The following SLC25A37 variants were observed in gnomAD, a reference collection of about 807,000 sequenced individuals.
SLC25A37 encodes the protein solute carrier family 25 member 37.
In SLC25A37, 17 loss-of-function variants were observed where a neutral mutation model predicts 31.0. The observed-to-expected ratio is 0.55, with a 90% CI of 0.38 to 0.82. The LOEUF is 0.82. Among genes scored for constraint, SLC25A37 ranks in the 40% least tolerant of loss-of-function variants. SLC25A37 has a pLI of 0.00. For synonymous variants in SLC25A37, 222 were observed against 193.0 expected, an observed-to-expected ratio of 1.15 and a Z score of -1.24; for missense variants, 404 against 465.8, an observed-to-expected ratio of 0.87 and a Z score of 1.22.
chr8:23,546,527 AG>A (rs1214505016), intron 1 of SLC25A37, among the ~76,000 whole-genome samples: 1 of 38,908 alleles, frequency 2.6e-5, no homozygotes, highest in Non-Finnish European at 3.8e-5. Context: ...ATATATATAT[AG>A]GTGTATATAT....
intron 1 of SLC25A37, among the ~76,000 whole-genome samples, chr8:23,540,572 G>C (rs1032027802): frequency 2.0e-5 from 3 of 152,158 alleles, no homozygotes; most frequent in African/African-American, 7.2e-5. Context: ...GATATTTTTG[G>C]CTGCGTCTGG....
chr8:23,529,374 G>GGGCGCCGCGCCTTCCGCC lies in SLC25A37; in HGVS notation c.210+164_210+181dup, dbSNP rs1801616954. Among the ~76,000 whole-genome samples the GGGCGCCGCGCCTTCCGCC allele has an allele frequency of 6.6e-6, 1 of 151,458 alleles. No individual in the cohort carries two copies. Among genetic ancestry groups the GGGCGCCGCGCCTTCCGCC allele is most frequent in the African/African-American group, 2.4e-5 (1 of 41,352 alleles). ...CCCCAGGAGCAGCTGCGCGCAGCCT[G>GGGCGCCGCGCCTTCCGCC]GGCGCCGCGCCTTCCGCCGACCCCG... is the stretch of plus-strand genomic sequence containing the variant. On this transcript the variant is annotated intron_variant, in intron 1 of 3. Transcript: ENST00000519973. This position sits in a 1 kb window ranked among gnomAD's most constrained non-coding sequence, Gnocchi z 4.1.
intron 1 of SLC25A37, among the ~76,000 whole-genome samples, chr8:23,550,199 A>C (rs1802186020): frequency 2.3e-5 from 3 of 131,256 alleles, no homozygotes; most frequent in South Asian, 2.4e-4. Flanking sequence ...AAAAAAAAAA[A>C]AACACAAAAA....
At chr8:23,536,131 C>T (rs935995192) in intron 1 of SLC25A37, among the ~76,000 whole-genome samples, 4 of 152,068 alleles carry the variant, frequency 2.6e-5, no homozygotes, top group Non-Finnish European at 4.4e-5. Context: ...TGACTCGGTT[C>T]CAGGATCTTT....
chr8:23,566,070 T>C lies in SLC25A37; in HGVS notation c.211-38T>C, dbSNP rs775065518. 88 of 1,542,486 alleles carry C rather than the reference T, an allele frequency of 5.7e-5. 1 individual carries two copies. The South Asian group carries it at 1.1e-3, about 19-fold the overall frequency. On this transcript the variant is annotated intron_variant, in intron 1 of 3. Coordinates refer to ENST00000519973, the MANE Select transcript of SLC25A37 (RefSeq NM_016612.4). ...TTCCTTCTTTACCATCCTGATTAAC[T>C]CTATTTTTGTTTGTTTTCTCTTCTT...
intron 1 of SLC25A37, among the ~76,000 whole-genome samples, chr8:23,555,710 T>C (rs1300585784): frequency 2.0e-5 from 3 of 152,208 alleles, no homozygotes; most frequent in Non-Finnish European, 4.4e-5. Context: ...GAGGTCAGAC[T>C]GTGGCTGGTC....
At chr8:23,557,975 GC>G (rs539095337) in intron 1 of SLC25A37, among the ~76,000 whole-genome samples, 1 of 152,104 alleles carries the variant, frequency 6.6e-6, no homozygotes, top group African/African-American at 2.4e-5. Context: ...TCAGCCCTGG[GC>G]CCCCCTGGAG....
intron 1 of SLC25A37, among the ~76,000 whole-genome samples, chr8:23,540,149 G>A (rs757837113): frequency 3.3e-5 from 5 of 152,232 alleles, no homozygotes; most frequent in Non-Finnish European, 7.3e-5. Context: ...TTGAAGGTGA[G>A]AAAAGGCAGG....
Position 23,574,069 on chromosome 8 carries a change from C to A in SLC25A37, c.*2214C>A. 1 of 340,136 alleles carries A rather than the reference C, an allele frequency of 2.9e-6. No individual in the cohort carries two copies. 21.1% of individuals were successfully genotyped at this position (340,136 alleles called of 1,614,324 possible). A position where few individuals can be genotyped will look rare whatever the true frequency, so the allele number is the denominator to read the frequency against. ...CTTTTGGTCCACTTAAGATATGCCACGCTGAAGCAAGGTATTTCCTACTGG... is the reference window on the plus strand; with the variant it reads ...CTTTTGGTCCACTTAAGATATGCCAAGCTGAAGCAAGGTATTTCCTACTGG... On this transcript the variant is annotated 3_prime_UTR_variant, in exon 4 of 4. Coordinates refer to ENST00000519973, the MANE Select transcript of SLC25A37 (RefSeq NM_016612.4).
In SLC25A37 at chr8:23,571,691, G is replaced by T. The variant is rs1164609411; in HGVS notation, c.853G>T (p.Ala285Ser). The T allele has an allele frequency of 1.2e-6, 2 of 1,613,970 alleles. No individual in the cohort carries two copies. The highest frequency in any genetic ancestry group is 1.7e-6 in the Non-Finnish European group (2 of 1,179,884). Reference sequence around the variant, plus strand: ...CGGCCGGCTGTCGGGTATGGCCAATGCCTTCCGGACGGTGTACCAGCTCAA... The same window carrying T: ...CGGCCGGCTGTCGGGTATGGCCAATTCCTTCCGGACGGTGTACCAGCTCAA... ...ISGRLSGMAN[A>S]FRTVYQLNGL... Residue 285 changes from alanine to serine, a missense_variant, in exon 4 of 4, where the codon GCC becomes TCC. By Grantham distance (99) the Ala-to-Ser change is moderately conservative. Transcript: ENST00000519973.
chr8:23,530,660 T>C (rs1324072208), intron 1 of SLC25A37, among the ~76,000 whole-genome samples: 1 of 152,196 alleles, frequency 6.6e-6, no homozygotes, highest in Non-Finnish European at 1.5e-5. Flanking sequence ...TCAAATGTAA[T>C]AAAATTCTCC....
rs775109495 is a variant in SLC25A37 at position 23,574,625 on chromosome 8, A to T, written c.*2770A>T. On this transcript the variant is annotated 3_prime_UTR_variant, in exon 4 of 4. Coordinates refer to ENST00000519973, the MANE Select transcript of SLC25A37 (RefSeq NM_016612.4). ...CCTTGAAAGTTGTGAAGCACTGAGC[A>T]GATACAAGTGTTTGTTAATTTTGTA... 6.5e-6 allele frequency: 1 copy of T among 154,880 alleles called. No individual in the cohort carries two copies. The highest frequency in any genetic ancestry group is 1.5e-5 in the Non-Finnish European group (1 of 68,236). 9.6% of individuals were successfully genotyped at this position (154,880 alleles called of 1,614,324 possible). A position where few individuals can be genotyped will look rare whatever the true frequency, so the allele number is the denominator to read the frequency against.
At chr8:23,548,540 G>A (rs968342480) in intron 1 of SLC25A37, among the ~76,000 whole-genome samples, 11 of 147,438 alleles carry the variant, frequency 7.5e-5, no homozygotes, top group African/African-American at 2.6e-4. Context: ...GCGCAATGTC[G>A]GCTCACTGTA....
chr8:23,548,825 T>C (rs7826544), intron 1 of SLC25A37, among the ~76,000 whole-genome samples: 54,169 of 151,694 alleles, frequency 0.36, 10,822 homozygotes, highest in East Asian at 0.61. Flanking sequence ...GGTAAAACAC[T>C]CTCTCTCTGC....
intron 1 of SLC25A37, among the ~76,000 whole-genome samples, chr8:23,551,405 A>C (rs1802221241): frequency 6.6e-6 from 1 of 152,024 alleles, no homozygotes; most frequent in Admixed American, 6.6e-5. Flanking sequence ...GAGTTGGGGC[A>C]GCTGAAGGGA....
intron 1 of SLC25A37, among the ~76,000 whole-genome samples, chr8:23,548,694 T>G (rs1414832181): frequency 6.6e-6 from 1 of 152,068 alleles, no homozygotes; most frequent in Non-Finnish European, 1.5e-5. Context: ...GGTCTCAAAT[T>G]CCCGACCTCA....
chr8:23,557,511 T>A (rs1802400081), intron 1 of SLC25A37, among the ~76,000 whole-genome samples: 1 of 152,210 alleles, frequency 6.6e-6, no homozygotes, highest in Non-Finnish European at 1.5e-5. Flanking sequence ...CTGCTGTGAT[T>A]TGTGGCGTGG....
intron 1 of SLC25A37, among the ~76,000 whole-genome samples, chr8:23,547,333 G>A (rs995613186): frequency 6.6e-6 from 1 of 152,198 alleles, no homozygotes; most frequent in Non-Finnish European, 1.5e-5. Context: ...CAAGGCGAAA[G>A]CAGATCTTTC....
intron 1 of SLC25A37, among the ~76,000 whole-genome samples, chr8:23,559,344 TGTGTGTGTGC>T (rs71210626): frequency 1.1e-3 from 171 of 151,848 alleles, no homozygotes; most frequent in Middle Eastern, 3.4e-3. Flanking sequence ...CGGTTGTGTG[TGTGTGTGTGC>T]GTGTGTGTGC....
Sources: allele counts gnomAD v4.1 joint callset (sites outside exome capture counted in the v4.1 genomes callset), GRCh38; gene constraint gnomAD v4.1.1; non-coding constraint Gnocchi (gnomAD v3.1); transcripts MANE v1.5; gene names NCBI Gene and HGNC (gene_info 2026-07-23, HGNC 2026-07-21).